RAB11FIP2: variants seen among roughly 807,000 people sequenced by gnomAD.
The protein encoded by RAB11FIP2 is rab11 family-interacting protein 2.
A neutral mutation model predicts 40.9 loss-of-function variants in RAB11FIP2; 16 were observed. The ratio of observed to expected loss-of-function variants is 0.39; its 90% CI spans 0.26 to 0.59. The LOEUF (loss-of-function observed/expected upper bound fraction) is 0.59, where lower values mean the gene tolerates loss of function less well. Ranked by LOEUF, RAB11FIP2 falls within the 20% of genes least tolerant of loss-of-function variation. RAB11FIP2 has a pLI of 0.53. For missense variants in RAB11FIP2, 532 were observed against 606.2 expected, an observed-to-expected ratio of 0.88 and a Z score of 1.28; for synonymous variants, 228 against 213.7, an observed-to-expected ratio of 1.07 and a Z score of -0.58.
At chr10:118,032,452 C>T (rs563875446) in intron 3 of RAB11FIP2, among the ~76,000 whole-genome samples, 1 of 151,802 alleles carries the variant, frequency 6.6e-6, no homozygotes, top group East Asian at 1.9e-4. Flanking sequence ...ATCTTTTACT[C>T]CTTTCCACCA....
At chr10:118,012,543 TTC>T (rs1303468308) in intron 4 of RAB11FIP2, among the ~76,000 whole-genome samples, 1 of 151,814 alleles carries the variant, frequency 6.6e-6, no homozygotes, top group Non-Finnish European at 1.5e-5. Flanking sequence ...ATATATATAT[TTC>T]TGTTTGTTGA....
rs1370996223 is a variant in RAB11FIP2, at chr10:118,045,935, G to A, written c.229C>T (p.Pro77Ser). 2 of 1,614,066 alleles carry A rather than the reference G, an allele frequency of 1.2e-6. No individual in the cohort carries two copies. Among genetic ancestry groups the A allele is most frequent in the Non-Finnish European group, 1.7e-6 (2 of 1,180,038 alleles). Reference protein sequence around the residue: ...ELPGLLIQGSPEKYILFLIVM... With the variant: ...ELPGLLIQGSSEKYILFLIVM... ...ATAAGGAAAAGAATGTATTTCTCTG[G>A]ACTTCCCTGAATTAGCAATCCAGGT... The change falls in exon 1 of 5, where the codon CCA becomes TCA. Residue 77 changes from proline (P) to serine (S), a missense_variant. By Grantham distance (74) the Pro-to-Ser change is moderately conservative (BLOSUM62 -1). Coordinates refer to ENST00000355624, the MANE Select transcript of RAB11FIP2 (RefSeq NM_014904.3).
At chr10:118,017,637 C>T (rs1458107330) in intron 3 of RAB11FIP2, 2 of 152,066 alleles carry the variant, frequency 1.3e-5, no homozygotes, top group African/African-American at 2.4e-5. Flanking sequence ...AGGCCCAATC[C>T]GTAGAGCAGG....
chr10:118,019,356 A>C (rs1846256934), intron 3 of RAB11FIP2, among the ~76,000 whole-genome samples: 1 of 152,154 alleles, frequency 6.6e-6, no homozygotes, highest in Non-Finnish European at 1.5e-5. Flanking sequence ...GGCTGGCAGG[A>C]GGGAAGAGGA....
intron 3 of RAB11FIP2, among the ~76,000 whole-genome samples, chr10:118,038,686 T>C (rs1564835766): frequency 1.3e-5 from 2 of 152,058 alleles, no homozygotes; most frequent in Non-Finnish European, 2.9e-5. Flanking sequence ...TCGCCATGTC[T>C]CATCACAAGC....
intron 3 of RAB11FIP2, chr10:118,017,754 CTA>C (rs1846238707): frequency 6.6e-6 from 1 of 152,110 alleles, no homozygotes; most frequent in African/African-American, 2.4e-5. Flanking sequence ...AGTATTATGA[CTA>C]TACAAATTTC....
At chr10:118,035,749 A>G (rs1846472911) in intron 3 of RAB11FIP2, among the ~76,000 whole-genome samples, 1 of 152,152 alleles carries the variant, frequency 6.6e-6, no homozygotes, top group Non-Finnish European at 1.5e-5. Flanking sequence ...ATTAGTGAAC[A>G]ATGCCATGCC....
rs1846118573 is a variant in RAB11FIP2, at chr10:118,008,377, G to C, written c.*621C>G. The C allele has an allele frequency of 6.5e-6, 1 of 153,028 alleles. No individual in the cohort carries two copies. The highest frequency in any genetic ancestry group is 1.9e-4 in the East Asian group (1 of 5,188). The allele number at this position is 153,028 out of a possible 1,614,324, so 9.5% of individuals were successfully genotyped here. A position where few individuals can be genotyped will look rare whatever the true frequency, so the allele number is the denominator to read the frequency against. ...GACAGTAGGAAGGATGACTTGTCTT[G>C]CATCAATAGAGCACACACATTTTCA... On this transcript the variant is annotated 3_prime_UTR_variant, in exon 5 of 5. Transcript: ENST00000355624.
rs72831890 is a variant in RAB11FIP2 at position 118,035,518 on chromosome 10, G to C, written c.1265+3454C>G. Among the ~76,000 whole-genome samples, 1,427 of 152,228 alleles carry C rather than the reference G, an allele frequency of 9.4e-3. 17 individuals carry two copies. The highest frequency in any genetic ancestry group is 0.014 in the Non-Finnish European group (949 of 68,002). On this transcript the variant is annotated intron_variant, in intron 3 of 4. Transcript: ENST00000355624. ...GTAGGAGGCTAACGGAATGAGAGTA[G>C]CATTTCAGGAAACTGCTATACTGTG...
intron 3 of RAB11FIP2, among the ~76,000 whole-genome samples, chr10:118,027,905 A>G (rs1038392759): frequency 2.0e-5 from 3 of 152,186 alleles, no homozygotes; most frequent in African/African-American, 7.2e-5. Flanking sequence ...TCCATGGTCA[A>G]GATCAAGCTC....
intron 4 of RAB11FIP2, 97 bp downstream of exon 4, chr10:118,014,968 G>T: frequency 9.9e-7 from 1 of 1,006,862 alleles, no homozygotes. Flanking sequence ...GGTAAGTGAG[G>T]CAGAAGGCAA....
At chr10:118,046,941 T>TG (rs1162188743), upstream of RAB11FIP2, 1 of 152,982 alleles carries the variant, frequency 6.5e-6, no homozygotes, top group Non-Finnish European at 1.5e-5. Flanking sequence ...CTCGGGAACG[T>TG]GAAGGGGCGG....
At chr10:118,010,610 G>A (rs911499340) in intron 4 of RAB11FIP2, among the ~76,000 whole-genome samples, 3 of 152,048 alleles carry the variant, frequency 2.0e-5, no homozygotes, top group African/African-American at 7.2e-5. Flanking sequence ...AGAAGCTAGA[G>A]TACAGATACC....
chr10:118,020,436 C>T (rs1470874763), intron 3 of RAB11FIP2, among the ~76,000 whole-genome samples: 1 of 152,230 alleles, frequency 6.6e-6, no homozygotes, highest in Non-Finnish European at 1.5e-5. Context: ...GCCCCTCCTG[C>T]TCCACTCTGA....
chr10:118,034,354 GT>G (rs900582407), intron 3 of RAB11FIP2, among the ~76,000 whole-genome samples: 24 of 109,100 alleles, frequency 2.2e-4, no homozygotes, highest in African/African-American at 6.4e-4. Flanking sequence ...CTATGTCCTA[GT>G]TAAAAAAAAA....
intron 3 of RAB11FIP2, among the ~76,000 whole-genome samples, chr10:118,038,327 C>T (rs920442813): frequency 7.9e-5 from 12 of 151,390 alleles, no homozygotes; most frequent in African/African-American, 2.7e-4. Flanking sequence ...ATAAGAAAAG[C>T]ACCATTATAT....
Position 118,009,016 on chromosome 10 carries a change from G to A in RAB11FIP2, c.1521C>T (p.Gly507=), listed in dbSNP as rs1274131253. 6.2e-7 allele frequency: 1 copy of A among 1,611,098 alleles called. No homozygotes were observed. The highest frequency in any genetic ancestry group is 8.5e-7 in the Non-Finnish European group (1 of 1,177,572). The change falls in exon 5 of 5, where the codon GGC becomes GGT. Residue 507 remains glycine, a synonymous_variant. Transcript: ENST00000355624. The stretch of plus-strand genomic sequence containing the variant: ...GGCTTTATTAACTGTTAGAGAATTT[G>A]CCAGCTTTCCTGGATGGTTCATACG... The part of the protein sequence containing the change: ...RVPYEPSRKA[G]KFSNS
chr10:118,036,873 T>G (rs1846487543), intron 3 of RAB11FIP2, among the ~76,000 whole-genome samples: 1 of 152,104 alleles, frequency 6.6e-6, no homozygotes, highest in Non-Finnish European at 1.5e-5. Flanking sequence ...TGTGTCAAAA[T>G]GCCACAGGCA....
rs1231749718 is a variant in RAB11FIP2, at chr10:118,005,954, C to T, written c.*3044G>A. On this transcript the variant is annotated 3_prime_UTR_variant, in exon 5 of 5. Transcript: ENST00000355624. ...CAACATTTTCACAGCTGGAAAATTA[C>T]AACTAAATCTTGATTTACCACCAAA... 4 of 152,478 alleles carry T rather than the reference C, an allele frequency of 2.6e-5. No individual in the cohort carries two copies. The Admixed American group carries it at 2.6e-4, about 10-fold the overall frequency. The allele number at this position is 152,478 out of a possible 1,614,324, so 9.4% of individuals were successfully genotyped here.
Sources: gnomAD v4.1 joint callset for allele counts (sites outside exome capture counted in the v4.1 genomes callset) on GRCh38, gnomAD v4.1.1 for gene constraint, MANE v1.5 for transcripts, NCBI Gene and HGNC (gene_info 2026-07-23, HGNC 2026-07-21) for gene names.